The following CHD1L variants were observed in gnomAD, a reference collection of about 807,000 sequenced individuals.
CHD1L encodes ATP-dependent chromatin remodeler CHD1L.
Under a neutral mutation model 115.9 loss-of-function variants are expected in CHD1L, and 118 were observed. The observed-to-expected ratio is 1.02, with a 90% confidence interval of 0.88 to 1.19. The LOEUF (loss-of-function observed/expected upper bound fraction) is 1.19, where lower values mean the gene tolerates loss of function less well. Ranked by LOEUF, CHD1L falls within the 50% of genes most tolerant of loss-of-function variation. The pLI, the probability that CHD1L is intolerant of heterozygous loss-of-function variation, is 0.00. For missense variants in CHD1L, 1,179 were observed against 1,065.3 expected (o/e 1.11, Z -1.49); for synonymous variants, 411 against 387.1 (o/e 1.06, Z -0.72).
In CHD1L at chr1:147,264,586, C is replaced by G. The variant is rs1673179656; in HGVS notation, c.739+2C>G. 1 of 1,612,426 alleles carries G rather than the reference C, an allele frequency of 6.2e-7. No individual in the cohort carries two copies. Among genetic ancestry groups the G allele is most frequent in the South Asian group, 1.1e-5 (1 of 90,778 alleles). On this transcript the variant is annotated splice_donor_variant, in intron 7 of 22. Coordinates refer to ENST00000369258, the MANE Select transcript of CHD1L (RefSeq NM_004284.6). LOFTEE classifies it high-confidence loss of function. ...ATATTGAGAAAGAATCTGAGTCAGG[C>G]AAGTTCCTTTCCTGCAAATCATCCC... is the stretch of plus-strand genomic sequence containing the variant.
At chr1:147,250,664 A>G (rs906033515) in intron 1 of CHD1L, among the ~76,000 whole-genome samples, 2 of 152,200 alleles carry the variant, frequency 1.3e-5, no homozygotes, top group Non-Finnish European at 2.9e-5. Context: ...AGCTGTAGGT[A>G]GAAGTCTATG....
the CHD1L span, among the ~76,000 whole-genome samples, chr1:147,194,846 T>C: frequency 0.037 from 5,607 of 152,150 alleles, 116 homozygotes; most frequent in African/African-American, 0.047. Flanking sequence ...CCCACTCTCT[T>C]CTGGCTTGTA....
the CHD1L span, chr1:147,205,018 A>G: frequency 2.7e-6 from 2 of 740,480 alleles, no homozygotes; most frequent in East Asian, 5.1e-5. Context: ...ACCTGGAGAT[A>G]CATTCAGTCA....
chr1:147,270,828 G>T, intron 10 of CHD1L, 104 bp from the exon 11 acceptor site: 1 of 884,334 alleles, frequency 1.1e-6, no homozygotes, highest in South Asian at 1.4e-5. Context: ...TTTCTACTTT[G>T]GTATTTATTT....
At chr1:147,257,590 G>A (rs1179425171) in intron 5 of CHD1L, among the ~76,000 whole-genome samples, 2 of 152,126 alleles carry the variant, frequency 1.3e-5, no homozygotes, top group African/African-American at 4.8e-5. Flanking sequence ...GATGAGAAGT[G>A]TACAGATATC....
chr1:147,282,036 A>G (rs1344097144), intron 15 of CHD1L, among the ~76,000 whole-genome samples: 1 of 152,166 alleles, frequency 6.6e-6, no homozygotes, highest in Non-Finnish European at 1.5e-5. Flanking sequence ...TTTTTCTAAA[A>G]AGGAAAATTC....
rs782565951 is a variant in CHD1L, at chr1:147,284,290, T to C, written c.1706-61T>C. ...TGTCCACTTTTGTTATTGATTTGAA[T>C]AGCATTAATCTATTTTTCCTTGGTA... On this transcript the variant is annotated intron_variant, in intron 15 of 22. Coordinates refer to ENST00000369258, the MANE Select transcript of CHD1L (RefSeq NM_004284.6). 17 of 1,334,392 alleles carry C rather than the reference T, an allele frequency of 1.3e-5. No homozygotes were observed. The South Asian group carries it at 2.4e-4, about 19-fold the overall frequency. The allele number at this position is 1,334,392 out of a possible 1,614,324, so 82.7% of individuals were successfully genotyped here.
At chr1:147,278,633 G>GT (rs1424255826) in intron 14 of CHD1L, among the ~76,000 whole-genome samples, 1 of 151,938 alleles carries the variant, frequency 6.6e-6, no homozygotes, top group African/African-American at 2.4e-5. Context: ...AAGGAAACAG[G>GT]TTTTTTATCC....
chr1:147,288,504 A>C (rs1390404684), intron 19 of CHD1L, among the ~76,000 whole-genome samples: 1 of 151,688 alleles, frequency 6.6e-6, no homozygotes, highest in Non-Finnish European at 1.5e-5. Flanking sequence ...AATATGGCAA[A>C]GCCCTGTCTC....
the CHD1L span, chr1:147,223,689 A>G: frequency 1.1e-5 from 2 of 178,478 alleles, no homozygotes; most frequent in East Asian, 1.6e-4. Context: ...CAGGACATAC[A>G]GCCCCAAAGA....
chr1:147,263,062 CATAT>C (rs1345614126), intron 6 of CHD1L, among the ~76,000 whole-genome samples: 2 of 151,800 alleles, frequency 1.3e-5, no homozygotes, highest in African/African-American at 4.8e-5. Flanking sequence ...TGTGTATATA[CATAT>C]GTATGTATGT....
At position 147,295,691 on chromosome 1, in the gene CHD1L, A is replaced by G. The variant is rs748374420; in HGVS notation, c.*182A>G. 3.8e-6 allele frequency: 2 copies of G among 524,270 alleles called. No homozygotes were observed. Among genetic ancestry groups the G allele is most frequent in the Non-Finnish European group, 6.6e-6 (2 of 303,924 alleles). The allele number at this position is 524,270 out of a possible 1,614,324, so 32.5% of individuals were successfully genotyped here. On this transcript the variant is annotated 3_prime_UTR_variant, in exon 23 of 23. Transcript: ENST00000369258. ...GTTTTGGTACCTGTAATATAGGGAA[A>G]CACAACTTTTTTTGGGAAAGCCCTT...
the CHD1L span, among the ~76,000 whole-genome samples, chr1:147,236,576 G>A: frequency 6.6e-6 from 1 of 152,110 alleles, no homozygotes; most frequent in Non-Finnish European, 1.5e-5. Flanking sequence ...TCTCAGCAGA[G>A]AGGAGACCCT....
the CHD1L span, among the ~76,000 whole-genome samples, chr1:147,219,274 T>C: frequency 6.6e-6 from 1 of 152,216 alleles, no homozygotes; most frequent in African/African-American, 2.4e-5. Flanking sequence ...ATAATTATAC[T>C]TGTATAATCG....
At chr1:147,295,372 C>T (rs1390213253) in intron 22 of CHD1L, 59 bp from the exon 23 acceptor site, 14 of 1,108,290 alleles carry the variant, frequency 1.3e-5, no homozygotes, top group Admixed American at 8.7e-5. Context: ...GAGAACTAGT[C>T]GTTTTGGTAA....
chr1:147,204,270 C>T, the CHD1L span: 253 of 1,038,734 alleles, frequency 2.4e-4, 2 homozygotes, highest in South Asian at 3.0e-3. Context: ...TCTTAAAAAC[C>T]ATGCCATGCA....
intron 21 of CHD1L, 22 bp downstream of exon 21, chr1:147,293,744 C>G (rs1553973328): frequency 1.3e-6 from 2 of 1,576,818 alleles, no homozygotes; most frequent in Non-Finnish European, 1.7e-6. Context: ...CACCTGTGCT[C>G]AAGAGTAGAT....
At chr1:147,179,949 T>C in the CHD1L span, among the ~76,000 whole-genome samples, 2 of 98,858 alleles carry the variant, frequency 2.0e-5, no homozygotes, top group Admixed American at 2.2e-4. Context: ...CCCTTTAAAC[T>C]GTAAAAAAAA....
At chr1:147,212,086 T>G in the CHD1L span, among the ~76,000 whole-genome samples, 2 of 152,076 alleles carry the variant, frequency 1.3e-5, 1 homozygote, top group South Asian at 4.1e-4. Flanking sequence ...TTACTTTGTC[T>G]TTATCAAAGC....
Sources: gnomAD v4.1 joint callset for allele counts (sites outside exome capture counted in the v4.1 genomes callset) on GRCh38, gnomAD v4.1.1 for gene constraint, MANE v1.5 for transcripts, NCBI Gene and HGNC (gene_info 2026-07-23, HGNC 2026-07-21) for gene names.